CLVS1: variants seen among roughly 807,000 people sequenced by gnomAD.
CLVS1 encodes clavesin-1.
In CLVS1, 10 loss-of-function variants were observed where a neutral mutation model predicts 33.1. That is an observed-to-expected ratio of 0.30 (90% CI 0.19 to 0.51). The LOEUF (loss-of-function observed/expected upper bound fraction) is 0.51. CLVS1 is among the 20% of genes least tolerant of loss of function. CLVS1 has a pLI of 0.97. For synonymous variants in CLVS1, 163 were observed against 166.1 expected (o/e 0.98, Z 0.14); for missense variants, 343 against 433.4 (o/e 0.79, Z 1.85).
chr8:61,342,496 A>G (rs1173661463), intron 2 of CLVS1, among the ~76,000 whole-genome samples: 1 of 152,186 alleles, frequency 6.6e-6, no homozygotes, highest in Admixed American at 6.5e-5. Context: ...CGCTTTTCGC[A>G]CTATGTGTCC....
chr8:61,493,502 C>T (rs1451994338), intron 5 of CLVS1, among the ~76,000 whole-genome samples: 5 of 152,172 alleles, frequency 3.3e-5, no homozygotes, highest in African/African-American at 1.2e-4. Flanking sequence ...TGGCCACTAT[C>T]CTATCTTCAT....
chr8:61,268,610 T>C (rs1207420266), intron 2 of CLVS1, among the ~76,000 whole-genome samples: 1 of 134,148 alleles, frequency 7.5e-6, no homozygotes, highest in African/African-American at 2.8e-5. Context: ...CCACAATGGT[T>C]GAACTAGTTT....
At chr8:61,086,195 C>A (rs1805124427) in intron 1 of CLVS1, among the ~76,000 whole-genome samples, 1 of 151,654 alleles carries the variant, frequency 6.6e-6, no homozygotes, top group Non-Finnish European at 1.5e-5. Context: ...CTATTGCACT[C>A]CAGCCTGGGA....
intron 2 of CLVS1, among the ~76,000 whole-genome samples, chr8:61,218,729 G>A (rs1300521459): frequency 1.3e-5 from 2 of 149,066 alleles, no homozygotes; most frequent in Non-Finnish European, 3.0e-5. Context: ...GAGGTCAGGA[G>A]TTCGAGACCA....
chr8:61,154,545 C>T (rs1806612876), intron 2 of CLVS1, among the ~76,000 whole-genome samples: 1 of 152,138 alleles, frequency 6.6e-6, no homozygotes, highest in Non-Finnish European at 1.5e-5. Context: ...CCCAAAGCAA[C>T]ATCAGAGAGT....
intron 5 of CLVS1, among the ~76,000 whole-genome samples, chr8:61,494,256 G>A (rs1804194793): frequency 6.6e-6 from 1 of 152,010 alleles, no homozygotes; most frequent in Admixed American, 6.6e-5. Context: ...GGAAGAAAGG[G>A]GAAAGAGAGA....
chr8:61,325,574 A>G (rs1811353096), intron 2 of CLVS1, among the ~76,000 whole-genome samples: 1 of 152,096 alleles, frequency 6.6e-6, no homozygotes, highest in Non-Finnish European at 1.5e-5. Flanking sequence ...TTTGAGATAG[A>G]CTTCTCTGTA....
intron 3 of CLVS1, among the ~76,000 whole-genome samples, chr8:61,433,235 T>A (rs1816183059): frequency 6.6e-6 from 1 of 152,262 alleles, no homozygotes; most frequent in Non-Finnish European, 1.5e-5. Flanking sequence ...ATTACAGGCT[T>A]GAGCCATTGG....
chr8:61,386,857 A>T (rs1178228237), intron 3 of CLVS1, among the ~76,000 whole-genome samples: 6 of 152,152 alleles, frequency 3.9e-5, no homozygotes, highest in African/African-American at 1.4e-4. Flanking sequence ...TCCTCCCTAC[A>T]CCCCTTTCAT....
the CLVS1 span, among the ~76,000 whole-genome samples, chr8:61,013,869 C>T: frequency 1.3e-5 from 2 of 152,178 alleles, no homozygotes; most frequent in East Asian, 3.9e-4. Flanking sequence ...TGGACGCAGC[C>T]TGTTGTGCTG....
At chr8:61,119,268 C>T (rs1201103798) in intron 1 of CLVS1, among the ~76,000 whole-genome samples, 2 of 151,934 alleles carry the variant, frequency 1.3e-5, no homozygotes, top group East Asian at 3.9e-4. Context: ...ATGTGTGTCT[C>T]TGCACGTGAG....
intron 2 of CLVS1, among the ~76,000 whole-genome samples, chr8:61,143,515 G>T (rs1039480338): frequency 6.6e-6 from 1 of 152,010 alleles, no homozygotes; most frequent in Admixed American, 6.6e-5. Flanking sequence ...ATGCTTACTA[G>T]TAGCAAACAC....
intron 2 of CLVS1, among the ~76,000 whole-genome samples, chr8:61,167,028 T>C (rs1806880746): frequency 2.0e-5 from 3 of 151,426 alleles, no homozygotes; most frequent in East Asian, 1.9e-4. Context: ...TACATTTGCT[T>C]CCTTTCTTGA....
chr8:61,480,437 C>A (rs894286186), intron 5 of CLVS1, among the ~76,000 whole-genome samples: 2 of 152,170 alleles, frequency 1.3e-5, no homozygotes, highest in Non-Finnish European at 2.9e-5. Context: ...TGGAAAAGCG[C>A]AGTATTAGGG....
chr8:61,410,149 G>C (rs1434862254), intron 3 of CLVS1, among the ~76,000 whole-genome samples: 1 of 147,442 alleles, frequency 6.8e-6, no homozygotes, highest in African/African-American at 2.5e-5. Context: ...ATAGCTTCTG[G>C]ATTTTCTCCT....
At chr8:61,105,768 T>A (rs1398138750) in intron 1 of CLVS1, among the ~76,000 whole-genome samples, 2 of 152,060 alleles carry the variant, frequency 1.3e-5, no homozygotes, top group Non-Finnish European at 2.9e-5. Flanking sequence ...TGAACATTTT[T>A]TTTTTTTACT....
chr8:61,397,470 G>A (rs968856947), intron 3 of CLVS1, among the ~76,000 whole-genome samples: 2 of 151,960 alleles, frequency 1.3e-5, no homozygotes, highest in Admixed American at 1.3e-4. Flanking sequence ...TCATTCTGTA[G>A]GTTGTCTTTT....
chr8:61,213,059 A>T (rs1184287415), intron 2 of CLVS1, among the ~76,000 whole-genome samples: 1 of 151,932 alleles, frequency 6.6e-6, no homozygotes. Flanking sequence ...CCCAGGTAGC[A>T]TTTAATATTA....
At chr8:61,409,638 T>A (rs572696699) in intron 3 of CLVS1, among the ~76,000 whole-genome samples, 1 of 152,212 alleles carries the variant, frequency 6.6e-6, no homozygotes, top group Non-Finnish European at 1.5e-5. Context: ...ATTTTGCACA[T>A]GTACAATTAT....
Sources: allele counts gnomAD v4.1 joint callset (sites outside exome capture counted in the v4.1 genomes callset), GRCh38; gene constraint gnomAD v4.1.1; transcripts MANE v1.5; gene names NCBI Gene and HGNC (gene_info 2026-07-23, HGNC 2026-07-21).